Variants in SAR1A observed in about 807,000 individuals in gnomAD.
The protein encoded by SAR1A is secretion associated Ras related GTPase 1A.
A neutral mutation model predicts 22.6 loss-of-function variants in SAR1A; 6 were observed. That is an observed-to-expected ratio of 0.27 (90% CI 0.15 to 0.52). The LOEUF is 0.52. Ranked by LOEUF, SAR1A falls within the 20% of genes least tolerant of loss-of-function variation. SAR1A has a pLI of 0.96. For missense variants in SAR1A, 145 were observed against 245.1 expected, an observed-to-expected ratio of 0.59 and a Z score of 2.73; for synonymous variants, 70 against 82.2, an observed-to-expected ratio of 0.85 and a Z score of 0.80.
intron 1 of SAR1A, among the ~76,000 whole-genome samples, chr10:70,166,564 G>A (rs552154844): frequency 7.2e-5 from 11 of 152,126 alleles, no homozygotes; most frequent in Admixed American, 4.6e-4. Context: ...TTGCAGACAC[G>A]GGTCTCAATT....
chr10:70,153,895 T>G lies in SAR1A; in HGVS notation c.423A>C (p.Ala141=), dbSNP rs758627847. 1 of 1,609,714 alleles carries G rather than the reference T, an allele frequency of 6.2e-7. No homozygotes were observed. The highest frequency in any genetic ancestry group is 1.3e-5 in the African/African-American group (1 of 74,714). Residue 141 remains alanine, a synonymous_variant, in exon 6 of 7, where the codon GCA becomes GCC. Coordinates refer to ENST00000373241, the MANE Select transcript of SAR1A (RefSeq NM_020150.5). ...ILGNKIDRTD[A]ISEEKLREIF... ...TCTCACGGAGTTTTTCTTCACTGAT[T>G]GCATCTGTTCTGTCAATTTTGTTAC...
rs1361130038 is a variant in SAR1A, at chr10:70,152,224, C to T, written c.*252G>A. On this transcript the variant is annotated 3_prime_UTR_variant, in exon 7 of 7. Transcript: ENST00000373241. Reference sequence around the variant, plus strand: ...CCCCATGATGGCATACAGCTTTACCCGGCAAATCCTGCCAGCTTCCAAGTC... The same window carrying T: ...CCCCATGATGGCATACAGCTTTACCTGGCAAATCCTGCCAGCTTCCAAGTC... 1.4e-5 allele frequency: 10 copies of T among 726,554 alleles called. No individual in the cohort carries two copies. The highest frequency in any genetic ancestry group is 2.5e-5 in the Admixed American group (1 of 40,338). The allele number at this position is 726,554 out of a possible 1,614,324, so 45.0% of individuals were successfully genotyped here.
At chr10:70,158,553 A>C (rs973056329) in intron 4 of SAR1A, among the ~76,000 whole-genome samples, 1 of 152,198 alleles carries the variant, frequency 6.6e-6, no homozygotes, top group Non-Finnish European at 1.5e-5. Context: ...TAATTGTACT[A>C]TCATTTCTAA....
Position 70,147,538 on chromosome 10 carries a change from T to C in SAR1A, c.*4938A>G, listed in dbSNP as rs185780883. On this transcript the variant is annotated 3_prime_UTR_variant, in exon 7 of 7. Transcript: ENST00000373241. The stretch of plus-strand genomic sequence containing the variant: ...ATAAAAAGATACAGACATTGAAATT[T>C]TAATTTCATACAATTTTTTGTGTCC... The C allele has an allele frequency of 8.9e-4, 135 of 152,352 alleles. No homozygotes were observed. The highest frequency in any genetic ancestry group is 3.2e-3 in the African/African-American group (134 of 41,578). 9.4% of individuals were successfully genotyped at this position (152,352 alleles called of 1,614,324 possible).
In SAR1A at chr10:70,164,147, T is replaced by C. The variant is rs1284267009; in HGVS notation, c.-16-2216A>G. ...CATAATGAAGACCTTGTACAGAATGTGTTAAATTTCTTGCACAAAACTGTT... is the reference window on the plus strand; with the variant it reads ...CATAATGAAGACCTTGTACAGAATGCGTTAAATTTCTTGCACAAAACTGTT... On this transcript the variant is annotated intron_variant, in intron 1 of 6. Coordinates refer to ENST00000373241, the MANE Select transcript of SAR1A (RefSeq NM_020150.5). 2.9e-5 allele frequency: 20 copies of C among 691,944 alleles called. 1 individual carries two copies. The South Asian group carries it at 3.0e-4, about 10-fold the overall frequency. 42.9% of individuals were successfully genotyped at this position (691,944 alleles called of 1,614,324 possible).
chr10:70,169,773 A>C (rs1839601785), intron 1 of SAR1A, among the ~76,000 whole-genome samples: 1 of 152,266 alleles, frequency 6.6e-6, no homozygotes, highest in African/African-American at 2.4e-5. Flanking sequence ...AACAAGACAA[A>C]GATGCTCCTG....
At position 70,153,813 on chromosome 10, in the gene SAR1A, T is replaced by C. The variant is rs564174469; in HGVS notation, c.480+25A>G. The C allele has an allele frequency of 1.3e-5, 20 of 1,565,072 alleles. 1 individual carries two copies. In the East Asian group the frequency reaches 3.0e-4, roughly 23 times the overall value. Reference sequence around the variant, plus strand: ...TTAAAAACTGTTAATGTCCTTTATATGTAACCCAAATATTTTTCTCTTACC... The same window carrying C: ...TTAAAAACTGTTAATGTCCTTTATACGTAACCCAAATATTTTTCTCTTACC... On this transcript the variant is annotated intron_variant, in intron 6 of 6. Transcript: ENST00000373241.
At chr10:70,162,258 T>C (rs113142473) in intron 1 of SAR1A, among the ~76,000 whole-genome samples, 2 of 151,318 alleles carry the variant, frequency 1.3e-5, no homozygotes, top group African/African-American at 4.9e-5. Flanking sequence ...AAGAATTACT[T>C]GAACCCAGGG....
intron 6 of SAR1A, 50 bp downstream of exon 6, chr10:70,153,788 T>G (rs746059470): frequency 2.7e-6 from 4 of 1,466,870 alleles, no homozygotes; most frequent in Non-Finnish European, 3.6e-6. Flanking sequence ...ACATCATGTT[T>G]TAAAAACTGT....
Position 70,152,291 on chromosome 10 carries a change from T to C in SAR1A, c.*185A>G. ...CACCAGCACGTGGGGCAGCATTACC[T>C]CCCAACAGTGTGGAGAAGAGCACAT... On this transcript the variant is annotated 3_prime_UTR_variant, in exon 7 of 7. Coordinates refer to ENST00000373241, the MANE Select transcript of SAR1A (RefSeq NM_020150.5). 1 of 994,302 alleles carries C rather than the reference T, an allele frequency of 1.0e-6. No homozygotes were observed. The highest frequency in any genetic ancestry group is 1.5e-6 in the Non-Finnish European group (1 of 668,188). The allele number at this position is 994,302 out of a possible 1,614,324, so 61.6% of individuals were successfully genotyped here. A position where few individuals can be genotyped will look rare whatever the true frequency, so the allele number is the denominator to read the frequency against.
At chr10:70,162,295 G>A (rs1466613645) in intron 1 of SAR1A, among the ~76,000 whole-genome samples, 1 of 150,674 alleles carries the variant, frequency 6.6e-6, no homozygotes, top group Non-Finnish European at 1.5e-5. Context: ...AGGCATGACG[G>A]TGCCACTGCA....
chr10:70,155,506 A>G lies in SAR1A; in HGVS notation c.349-1537T>C, dbSNP rs1355205890. On this transcript the variant is annotated intron_variant, in intron 5 of 6. Coordinates refer to ENST00000373241, the MANE Select transcript of SAR1A (RefSeq NM_020150.5). ...GAATGTCCTTCATTCATTAAGCAAC[A>G]ACAAAGTACCTAATGTGTCTAATGC... Among the ~76,000 whole-genome samples the G allele has an allele frequency of 3.3e-5, 5 of 152,236 alleles. No individual in the cohort carries two copies. In the East Asian group the frequency reaches 9.6e-4, roughly 29 times the overall value.
chr10:70,153,780 A>G, intron 6 of SAR1A, 58 bp downstream of exon 6: 2 of 1,411,094 alleles, frequency 1.4e-6, no homozygotes, highest in Non-Finnish European at 1.9e-6. Context: ...ATAGCGAAAC[A>G]TCATGTTTTA....
chr10:70,158,504 C>T (rs568573987), intron 4 of SAR1A, among the ~76,000 whole-genome samples: 1 of 152,216 alleles, frequency 6.6e-6, no homozygotes, highest in East Asian at 1.9e-4. Context: ...TGGTTTTTTG[C>T]TTGTGACATG....
rs895327514 is a variant in SAR1A at position 70,150,035 on chromosome 10, T to C, written c.*2441A>G. ...GTAGTACTAAATCTATTACTTCTAG[T>C]ACCCCAGCCTTTTTCCCCCTCCTGG... On this transcript the variant is annotated 3_prime_UTR_variant, in exon 7 of 7. Transcript: ENST00000373241. 1.3e-5 allele frequency: 2 copies of C among 152,172 alleles called. No homozygotes were observed. Among genetic ancestry groups the C allele is most frequent in the African/African-American group, 4.8e-5 (2 of 41,418 alleles). The allele number at this position is 152,172 out of a possible 1,614,324, so 9.4% of individuals were successfully genotyped here.
intron 1 of SAR1A, chr10:70,164,035 C>A: frequency 1.2e-6 from 1 of 828,770 alleles, no homozygotes; most frequent in East Asian, 2.4e-5. Context: ...GTGAAGTTAA[C>A]AGATGAAGAA....
In SAR1A at chr10:70,159,626, G is replaced by C. The variant is rs369978555; in HGVS notation, c.244+1378C>G. Among the ~76,000 whole-genome samples, 147 of 152,264 alleles carry C rather than the reference G, an allele frequency of 9.7e-4. 4 individuals carry two copies. The South Asian group carries it at 0.026, about 27-fold the overall frequency. On this transcript the variant is annotated intron_variant, in intron 4 of 6. Transcript: ENST00000373241. ...CACTCCAGCCTGGGCAACAGAGCAAGACCCCATCTCAAAAAAAAGAAAAAA... is the reference window on the plus strand; with the variant it reads ...CACTCCAGCCTGGGCAACAGAGCAACACCCCATCTCAAAAAAAAGAAAAAA...
chr10:70,147,687 T>C lies in SAR1A; in HGVS notation c.*4789A>G, dbSNP rs1373475524. On this transcript the variant is annotated 3_prime_UTR_variant, in exon 7 of 7. Transcript: ENST00000373241. ...GACCCACAAGGCATAGTTTACCATC[T>C]CTAGTGTACACTAACATAAACTGCT... 1 of 152,178 alleles carries C rather than the reference T, an allele frequency of 6.6e-6. No homozygotes were observed. Among genetic ancestry groups the C allele is most frequent in the Non-Finnish European group, 1.5e-5 (1 of 68,038 alleles). 9.4% of individuals were successfully genotyped at this position (152,178 alleles called of 1,614,324 possible).
Position 70,152,200 on chromosome 10 carries a change from C to T in SAR1A, c.*276G>A. 2.0e-6 allele frequency: 1 copy of T among 498,048 alleles called. No homozygotes were observed. Among genetic ancestry groups the T allele is most frequent in the Non-Finnish European group, 3.6e-6 (1 of 278,990 alleles). 30.9% of individuals were successfully genotyped at this position (498,048 alleles called of 1,614,324 possible). On this transcript the variant is annotated 3_prime_UTR_variant, in exon 7 of 7. Transcript: ENST00000373241. ...GAGACGTGTTTTTCTTTTCAGGTGC[C>T]CCATGATGGCATACAGCTTTACCCG...
Sources: allele counts gnomAD v4.1 joint callset (sites outside exome capture counted in the v4.1 genomes callset), GRCh38; gene constraint gnomAD v4.1.1; transcripts MANE v1.5; gene names NCBI Gene and HGNC (gene_info 2026-07-23, HGNC 2026-07-21).